KCNMA1: variants seen among roughly 807,000 people sequenced by gnomAD.
The protein encoded by KCNMA1 is potassium calcium-activated channel subfamily M alpha 1.
In KCNMA1, 29 loss-of-function variants were observed where a neutral mutation model predicts 140.0. The ratio of observed to expected loss-of-function variants is 0.21; its 90% CI spans 0.15 to 0.28. The LOEUF (loss-of-function observed/expected upper bound fraction) is 0.28, where lower values mean the gene tolerates loss of function less well. Among genes scored for constraint, KCNMA1 ranks in the 10% least tolerant of loss-of-function variants. KCNMA1 has a pLI of 1.00. For synonymous variants in KCNMA1, 612 were observed against 611.9 expected, an observed-to-expected ratio of 1.00 and a Z score of 0.00; for missense variants, 880 against 1,602.2, an observed-to-expected ratio of 0.55 and a Z score of 7.70.
chr10:76,873,438 T>A (rs2031761287), downstream of KCNMA1: 2 of 152,294 alleles, frequency 1.3e-5, no homozygotes, highest in East Asian at 1.9e-4. Context: ...ATTAAAAAAA[T>A]TGCCTTTTGG....
intron 1 of KCNMA1, among the ~76,000 whole-genome samples, chr10:77,531,488 C>T (rs1240592750): frequency 6.6e-6 from 1 of 152,174 alleles, no homozygotes; most frequent in South Asian, 2.1e-4. Context: ...CTCCAGGCAA[C>T]GCTGGGTTCA....
At chr10:77,431,958 A>C (rs1244892390) in intron 1 of KCNMA1, among the ~76,000 whole-genome samples, 1 of 151,430 alleles carries the variant, frequency 6.6e-6, no homozygotes, top group Non-Finnish European at 1.5e-5. Context: ...GTGCCACTGC[A>C]CTCCAGCCTG....
intron 1 of KCNMA1, among the ~76,000 whole-genome samples, chr10:77,558,407 G>C (rs2065271761): frequency 6.6e-6 from 1 of 152,126 alleles, no homozygotes; most frequent in African/African-American, 2.4e-5. Context: ...TACAGGGAGA[G>C]GGGACAATGG....
intron 2 of KCNMA1, among the ~76,000 whole-genome samples, chr10:77,342,850 C>G (rs1482077062): frequency 6.6e-6 from 1 of 152,182 alleles, no homozygotes. Context: ...AGCCCCATCA[C>G]TGGGAAGTGT....
chr10:77,083,759 C>T (rs2096633796), intron 12 of KCNMA1, among the ~76,000 whole-genome samples: 1 of 143,044 alleles, frequency 7.0e-6, no homozygotes. Flanking sequence ...CGTTTGGGCT[C>T]AGGAGTTCAA....
At chr10:77,171,386 C>CGTGTGTGTGTGCGT (rs2098704695) in intron 5 of KCNMA1, among the ~76,000 whole-genome samples, 2 of 137,050 alleles carry the variant, frequency 1.5e-5, no homozygotes, top group African/African-American at 5.6e-5. Flanking sequence ...AGTACGTGTG[C>CGTGTGTGTGTGCGT]GTGTGTGTGT....
chr10:77,347,918 T>C (rs1049227817), intron 2 of KCNMA1, among the ~76,000 whole-genome samples: 4 of 152,204 alleles, frequency 2.6e-5, no homozygotes, highest in African/African-American at 7.2e-5. Flanking sequence ...CTTTTTATTA[T>C]CCCCTTTTAC....
chr10:77,580,786 G>A (rs141688024), intron 1 of KCNMA1, among the ~76,000 whole-genome samples: 9 of 152,314 alleles, frequency 5.9e-5, no homozygotes, highest in African/African-American at 9.6e-5. Flanking sequence ...TTTGCTCTCC[G>A]TGATCTTTTG....
At chr10:76,969,300 G>GGGAAGGAAGGGAGAAAGGAAGGAAGGAA (rs2075219592) in intron 20 of KCNMA1, among the ~76,000 whole-genome samples, 2 of 109,288 alleles carry the variant, frequency 1.8e-5, no homozygotes, top group African/African-American at 6.9e-5. Context: ...GAAGGAAGGA[G>GGGAAGGAAGGGAGAAAGGAAGGAAGGAA]GGAAGGAAGG....
chr10:77,284,804 G>A (rs1267345358), intron 2 of KCNMA1, among the ~76,000 whole-genome samples: 17 of 151,926 alleles, frequency 1.1e-4, no homozygotes, highest in African/African-American at 2.7e-4. Flanking sequence ...GTGAACCACC[G>A]CGCCCAACGA....
intron 2 of KCNMA1, among the ~76,000 whole-genome samples, chr10:77,288,147 G>A (rs1440369968): frequency 1.3e-5 from 2 of 152,208 alleles, no homozygotes; most frequent in African/African-American, 2.4e-5. Context: ...AAACTCTGCT[G>A]AAGTGACTCC....
chr10:77,539,060 C>T (rs1030846734), intron 1 of KCNMA1, among the ~76,000 whole-genome samples: 16 of 152,150 alleles, frequency 1.1e-4, no homozygotes, highest in African/African-American at 3.6e-4. Context: ...CTGGTTGGTC[C>T]GGGAGGACCC....
intron 2 of KCNMA1, among the ~76,000 whole-genome samples, chr10:77,368,986 A>G (rs547710783): frequency 6.6e-6 from 1 of 152,344 alleles, no homozygotes; most frequent in African/African-American, 2.4e-5. Flanking sequence ...ATTTCTTCAA[A>G]TATACACTTC....
At chr10:77,122,195 T>G (rs1376142534) in intron 5 of KCNMA1, among the ~76,000 whole-genome samples, 5 of 152,068 alleles carry the variant, frequency 3.3e-5, no homozygotes, top group Admixed American at 3.3e-4. Context: ...CGTGGAGCTG[T>G]TTAGGTAATA....
intron 1 of KCNMA1, among the ~76,000 whole-genome samples, chr10:77,432,779 A>C (rs958240144): frequency 5.9e-5 from 9 of 152,332 alleles, no homozygotes; most frequent in African/African-American, 2.2e-4. Flanking sequence ...TTAAACTTTC[A>C]ACTTTTAAAA....
chr10:77,061,885 A>G (rs2095765270), intron 14 of KCNMA1, among the ~76,000 whole-genome samples: 1 of 152,210 alleles, frequency 6.6e-6, no homozygotes, highest in South Asian at 2.1e-4. Flanking sequence ...ACTATGCTAA[A>G]TGAAAAAAGC....
At chr10:77,571,396 C>T (rs2071234458) in intron 1 of KCNMA1, among the ~76,000 whole-genome samples, 1 of 152,174 alleles carries the variant, frequency 6.6e-6, no homozygotes, top group Admixed American at 6.5e-5. Context: ...GTGACCAACC[C>T]CAAACTACCT....
chr10:76,918,375 A>G (rs985030226), intron 23 of KCNMA1, among the ~76,000 whole-genome samples: 3 of 152,252 alleles, frequency 2.0e-5, no homozygotes, highest in African/African-American at 7.2e-5. Flanking sequence ...AGCCAAAGCT[A>G]TCACCAGATG....
intron 5 of KCNMA1, among the ~76,000 whole-genome samples, chr10:77,128,689 C>T (rs993250515): frequency 1.3e-5 from 2 of 152,082 alleles, no homozygotes; most frequent in African/African-American, 2.4e-5. Context: ...GCTGTCACAA[C>T]GACTCAACTT....
Sources: gnomAD v4.1 joint callset for allele counts (sites outside exome capture counted in the v4.1 genomes callset) on GRCh38, gnomAD v4.1.1 for gene constraint, MANE v1.5 for transcripts, NCBI Gene and HGNC (gene_info 2026-07-23, HGNC 2026-07-21) for gene names.